P2RX7: variants seen among roughly 807,000 people sequenced by gnomAD.
P2RX7 encodes purinergic receptor P2X 7, also known as P2X purinoceptor 7.
P2RX7 carries 62 observed loss-of-function variants against 71.6 expected under a neutral mutation model. That is an observed-to-expected ratio of 0.87 (90% CI 0.71 to 1.07). The LOEUF (loss-of-function observed/expected upper bound fraction) is 1.07. Among genes scored for constraint, P2RX7 ranks in the 50% least tolerant of loss-of-function variants. P2RX7 has a pLI of 0.00. For missense variants in P2RX7, 686 were observed against 748.5 expected, an observed-to-expected ratio of 0.92 and a Z score of 0.97; for synonymous variants, 299 against 283.3, an observed-to-expected ratio of 1.06 and a Z score of -0.56.
intron 11 of P2RX7, 74 bp from the exon 12 acceptor site, chr12:121,180,280 C>CTAA (rs1022454144): frequency 2.8e-6 from 2 of 709,190 alleles, no homozygotes; most frequent in African/African-American, 3.6e-5. Context: ...ATAGGAATTA[C>CTAA]AGTTGCCTTT....
chr12:121,162,350 G>T (rs990404217), intron 4 of P2RX7, 74 bp from the exon 5 acceptor site: 13 of 1,580,832 alleles, frequency 8.2e-6, no homozygotes, highest in Admixed American at 1.8e-5. Context: ...TTGAGTTAAT[G>T]ATGTCCCTCC....
rs1879535805 is a variant in P2RX7 at position 121,160,895 on chromosome 12, T to C, written c.364-7T>C. ...TACTCCCCACTCTGTCATCCTTCTATCTGCAGTATCCCACCCGCAGGACGC... is the reference window on the plus strand; with the variant it reads ...TACTCCCCACTCTGTCATCCTTCTACCTGCAGTATCCCACCCGCAGGACGC... On this transcript the variant is annotated splice_region_variant and splice_polypyrimidine_tract_variant and intron_variant, in intron 3 of 12. Coordinates refer to ENST00000328963, the MANE Select transcript of P2RX7 (RefSeq NM_002562.6). 8.7e-6 allele frequency: 14 copies of C among 1,610,548 alleles called. No homozygotes were observed. Among genetic ancestry groups the C allele is most frequent in the Non-Finnish European group, 7.6e-6 (9 of 1,176,804 alleles).
chr12:121,184,304 G>A lies in P2RX7; in HGVS notation c.1291-1G>A. ...ATAGGTTTGGAAACTTGCTTTTTCAGAGACCTGCGATGGACTTCACAGATT... is the reference window on the plus strand; with the variant it reads ...ATAGGTTTGGAAACTTGCTTTTTCAAAGACCTGCGATGGACTTCACAGATT... On this transcript the variant is annotated splice_acceptor_variant, in intron 12 of 12. Coordinates refer to ENST00000328963, the MANE Select transcript of P2RX7 (RefSeq NM_002562.6). LOFTEE classifies it high-confidence loss of function. The A allele has an allele frequency of 6.3e-7, 1 of 1,580,676 alleles. No individual in the cohort carries two copies.
chr12:121,138,327 C>T (rs1441808180), intron 1 of P2RX7, among the ~76,000 whole-genome samples: 2 of 152,268 alleles, frequency 1.3e-5, no homozygotes, highest in Non-Finnish European at 2.9e-5. Flanking sequence ...CTCACATTCT[C>T]TTCTTTTAAC....
At chr12:121,159,036 T>C (rs575545876) in intron 3 of P2RX7, among the ~76,000 whole-genome samples, 1 of 152,330 alleles carries the variant, frequency 6.6e-6, no homozygotes, top group South Asian at 2.1e-4. Flanking sequence ...TGAGAGAGTT[T>C]GAAAACTACA....
intron 8 of P2RX7, among the ~76,000 whole-genome samples, chr12:121,168,390 T>C (rs915834255): frequency 6.6e-6 from 1 of 151,750 alleles, no homozygotes; most frequent in African/African-American, 2.4e-5. Flanking sequence ...TCCTCCCACC[T>C]CCCAAGTTTC....
At chr12:121,133,914 G>C (rs1467923219) in intron 1 of P2RX7, among the ~76,000 whole-genome samples, 30 of 152,060 alleles carry the variant, frequency 2.0e-4, no homozygotes, top group Non-Finnish European at 2.9e-5. Flanking sequence ...TAAAGAGACG[G>C]GGTCTCACTA....
At chr12:121,158,635 C>T (rs553711065) in intron 3 of P2RX7, among the ~76,000 whole-genome samples, 2 of 152,190 alleles carry the variant, frequency 1.3e-5, no homozygotes, top group Non-Finnish European at 2.9e-5. Context: ...AAACACTCCA[C>T]CTCTCAATGG....
intron 8 of P2RX7, among the ~76,000 whole-genome samples, chr12:121,170,880 G>A (rs1223576294): frequency 6.6e-6 from 1 of 152,138 alleles, no homozygotes; most frequent in African/African-American, 2.4e-5. Flanking sequence ...GGTTATACGA[G>A]GTATTTCAGA....
chr12:121,165,416 T>TCCCCGGC lies in P2RX7; in HGVS notation c.595_601dup (p.His201ProfsTer43). On this transcript the variant is annotated frameshift_variant, in exon 6 of 13. Transcript: ENST00000328963. LOFTEE classifies it high-confidence loss of function. ...GTGCTCATCAAGAACAATATCGACT[T>TCCCCGGC]CCCCGGCCACAACTACACCACGTAA... 6.2e-7 allele frequency: 1 copy of TCCCCGGC among 1,613,854 alleles called. No homozygotes were observed. Among genetic ancestry groups the TCCCCGGC allele is most frequent in the Non-Finnish European group, 8.5e-7 (1 of 1,179,918 alleles).
intron 1 of P2RX7, among the ~76,000 whole-genome samples, chr12:121,140,436 G>A (rs1442473896): frequency 1.3e-5 from 2 of 152,166 alleles, no homozygotes; most frequent in Middle Eastern, 3.2e-3. Context: ...AGTGTGGTGG[G>A]ACAAGAATGA....
At chr12:121,147,310 T>G (rs1442266873) in intron 1 of P2RX7, among the ~76,000 whole-genome samples, 1 of 152,246 alleles carries the variant, frequency 6.6e-6, no homozygotes, top group Non-Finnish European at 1.5e-5. Context: ...ACCTTCCTTA[T>G]AGAGTTGGTT....
chr12:121,180,578 A>C (rs1883982474), intron 12 of P2RX7, 123 bp downstream of exon 12: 1 of 516,238 alleles, frequency 1.9e-6, no homozygotes, highest in Middle Eastern at 4.3e-4. Context: ...TACTCATATA[A>C]CCGGCACTCA....
chr12:121,165,523 C>T (rs892325578), intron 6 of P2RX7, 86 bp downstream of exon 6: 32 of 1,043,818 alleles, frequency 3.1e-5, no homozygotes, highest in African/African-American at 3.1e-5. Context: ...AAACAACAAA[C>T]GCCTATTGTC....
chr12:121,141,382 C>T (rs921725539), intron 1 of P2RX7, among the ~76,000 whole-genome samples: 3 of 152,204 alleles, frequency 2.0e-5, no homozygotes, highest in Admixed American at 6.5e-5. Flanking sequence ...CTGGAGCCTC[C>T]CAGCCCCGCT....
chr12:121,138,761 A>AC (rs1002042618), intron 1 of P2RX7, among the ~76,000 whole-genome samples: 36 of 151,780 alleles, frequency 2.4e-4, no homozygotes, highest in Non-Finnish European at 4.3e-4. Context: ...GCAATTGCTG[A>AC]CCCCCTATTC....
chr12:121,148,188 T>TTTTATCTA (rs1555223906), intron 1 of P2RX7, among the ~76,000 whole-genome samples: 1 of 140,414 alleles, frequency 7.1e-6, no homozygotes, highest in Non-Finnish European at 1.5e-5. Flanking sequence ...CTGGGATCTT[T>TTTTATCTA]TTTATTTATT....
intron 6 of P2RX7, 40 bp from the exon 7 acceptor site, chr12:121,166,018 C>G (rs766262866): frequency 3.8e-6 from 6 of 1,581,652 alleles, no homozygotes; most frequent in Non-Finnish European, 5.2e-6. Flanking sequence ...TGTTTTCAAT[C>G]GAGATGTTTG....
In P2RX7 at chr12:121,141,023, T is replaced by C. The variant is rs191418691; in HGVS notation, c.125+7928T>C. On this transcript the variant is annotated intron_variant, in intron 1 of 12. Coordinates refer to ENST00000328963, the MANE Select transcript of P2RX7 (RefSeq NM_002562.6). ...ATCACTTGAACCTGGGAGGCAGAGG[T>C]TGCAGTGAGCCTAAATCACACCACT... Among the ~76,000 whole-genome samples the C allele has an allele frequency of 2.4e-3, 359 of 151,948 alleles. 4 individuals are homozygous for C. Among genetic ancestry groups the C allele is most frequent in the African/African-American group, 8.0e-3 (331 of 41,456 alleles).
Sources: gnomAD v4.1 joint callset for allele counts (sites outside exome capture counted in the v4.1 genomes callset) on GRCh38, gnomAD v4.1.1 for gene constraint, MANE v1.5 for transcripts, NCBI Gene and HGNC (gene_info 2026-07-23, HGNC 2026-07-21) for gene names.